LUZP2: variants seen among roughly 807,000 people sequenced by gnomAD.
LUZP2 encodes the protein leucine zipper protein 2.
Under a neutral mutation model 51.6 loss-of-function variants are expected in LUZP2, and 52 were observed. That is an observed-to-expected ratio of 1.01 (90% confidence interval 0.81 to 1.27). The LOEUF (loss-of-function observed/expected upper bound fraction) is 1.27. LUZP2 is among the 50% of genes most tolerant of loss of function. The pLI is 0.00. For synonymous variants in LUZP2, 154 were observed against 137.3 expected (o/e 1.12, Z -0.85); for missense variants, 436 against 395.4 (o/e 1.10, Z -0.87).
intron 1 of LUZP2, among the ~76,000 whole-genome samples, chr11:24,623,646 G>C (rs1211078083): frequency 1.3e-5 from 2 of 152,084 alleles, no homozygotes; most frequent in East Asian, 3.9e-4. Flanking sequence ...GGGAGTTGGA[G>C]ACCAGCCTGG....
intron 9 of LUZP2, among the ~76,000 whole-genome samples, chr11:25,038,424 C>T (rs1416415557): frequency 1.3e-5 from 2 of 152,274 alleles, no homozygotes; most frequent in East Asian, 3.9e-4. Context: ...ACATAACAAC[C>T]AGCAACAACA....
At chr11:24,763,898 A>G (rs918642609) in intron 5 of LUZP2, among the ~76,000 whole-genome samples, 1 of 152,130 alleles carries the variant, frequency 6.6e-6, no homozygotes, top group African/African-American at 2.4e-5. Flanking sequence ...ATTAAATGCA[A>G]TTAATTAAGA....
At chr11:24,908,801 G>C (rs1853539846) in intron 6 of LUZP2, among the ~76,000 whole-genome samples, 1 of 149,458 alleles carries the variant, frequency 6.7e-6, no homozygotes, top group South Asian at 2.1e-4. Flanking sequence ...TGTTGCCCAG[G>C]CTGGAGTGCA....
chr11:24,785,141 C>G (rs1849206600), intron 5 of LUZP2, among the ~76,000 whole-genome samples: 1 of 151,936 alleles, frequency 6.6e-6, no homozygotes, highest in Non-Finnish European at 1.5e-5. Flanking sequence ...CTTTTCAGAC[C>G]TCTCCTGCAT....
chr11:24,975,095 A>T (rs2133902438), intron 7 of LUZP2, among the ~76,000 whole-genome samples: 1 of 152,058 alleles, frequency 6.6e-6, no homozygotes, highest in South Asian at 2.1e-4. Context: ...AACCTCTCAC[A>T]TGCTCTATTC....
chr11:24,563,516 T>C (rs1022389300), intron 1 of LUZP2, among the ~76,000 whole-genome samples: 1 of 152,226 alleles, frequency 6.6e-6, no homozygotes, highest in Non-Finnish European at 1.5e-5. Context: ...AAAATTACTA[T>C]GTTATTGGAT....
chr11:24,983,953 A>T (rs932070255), intron 9 of LUZP2, among the ~76,000 whole-genome samples: 13 of 151,746 alleles, frequency 8.6e-5, no homozygotes, highest in African/African-American at 3.1e-4. Flanking sequence ...TACTTTAGAC[A>T]AAACAAAGAA....
chr11:24,520,627 T>G lies in LUZP2; in HGVS notation c.62+23322T>G, dbSNP rs542012497. Among the ~76,000 whole-genome samples, 19 of 152,326 alleles carry G rather than the reference T, an allele frequency of 1.2e-4. No homozygotes were observed. The East Asian group carries it at 1.7e-3, about 14-fold the overall frequency. On this transcript the variant is annotated intron_variant, in intron 1 of 11. Coordinates refer to ENST00000336930, the MANE Select transcript of LUZP2 (RefSeq NM_001009909.4). Reference sequence around the variant, plus strand: ...GTGTTAGTATGTTAATTATCCTTTTTGGGGGCAGGAGAAGTACAATGAAGC... The same window carrying G: ...GTGTTAGTATGTTAATTATCCTTTTGGGGGGCAGGAGAAGTACAATGAAGC...
chr11:24,937,142 G>C (rs1021237833), intron 7 of LUZP2, among the ~76,000 whole-genome samples: 1 of 152,038 alleles, frequency 6.6e-6, no homozygotes, highest in Non-Finnish European at 1.5e-5. Flanking sequence ...ACAAAGAAAA[G>C]CAATTCTAAG....
intron 5 of LUZP2, among the ~76,000 whole-genome samples, chr11:24,904,084 TC>T (rs1392359149): frequency 1.3e-5 from 2 of 152,150 alleles, no homozygotes. Flanking sequence ...TAATTTACAT[TC>T]CCAGCAACTG....
intron 5 of LUZP2, among the ~76,000 whole-genome samples, chr11:24,767,045 C>T (rs959410950): frequency 6.6e-6 from 1 of 152,172 alleles, no homozygotes; most frequent in African/African-American, 2.4e-5. Context: ...GCTGGAATTA[C>T]AGGTGTGAAC....
chr11:24,732,787 G>T (rs1326468707), intron 3 of LUZP2, among the ~76,000 whole-genome samples: 1 of 151,700 alleles, frequency 6.6e-6, no homozygotes, highest in Non-Finnish European at 1.5e-5. Context: ...CTTTACGTCT[G>T]CTATACACTT....
At chr11:24,509,582 C>A (rs543550640) in intron 1 of LUZP2, among the ~76,000 whole-genome samples, 96 of 149,048 alleles carry the variant, frequency 6.4e-4, no homozygotes, top group African/African-American at 2.3e-3. Flanking sequence ...AGACATCTTT[C>A]ACTTTTCTGA....
chr11:24,618,903 A>G (rs181254377), intron 1 of LUZP2, among the ~76,000 whole-genome samples: 1 of 152,314 alleles, frequency 6.6e-6, no homozygotes, highest in Admixed American at 6.5e-5. Flanking sequence ...TTATAAAATG[A>G]AAATTTCTCT....
intron 5 of LUZP2, among the ~76,000 whole-genome samples, chr11:24,835,437 A>G (rs1227268568): frequency 6.6e-6 from 1 of 152,198 alleles, no homozygotes; most frequent in Non-Finnish European, 1.5e-5. Flanking sequence ...AGAAATTTCA[A>G]CAGAAGCCAA....
chr11:24,936,763 G>T (rs1010245865), intron 7 of LUZP2, among the ~76,000 whole-genome samples: 7 of 152,112 alleles, frequency 4.6e-5, no homozygotes, highest in Middle Eastern at 6.8e-3. Context: ...AATCATTTCA[G>T]TACTCTGAAC....
At chr11:24,680,633 A>C (rs1428609763) in intron 1 of LUZP2, among the ~76,000 whole-genome samples, 1 of 152,210 alleles carries the variant, frequency 6.6e-6, no homozygotes, top group African/African-American at 2.4e-5. Flanking sequence ...GATAATTAGC[A>C]GGAAAAATTT....
intron 1 of LUZP2, among the ~76,000 whole-genome samples, chr11:24,666,553 G>A (rs892827548): frequency 2.0e-5 from 3 of 152,032 alleles, no homozygotes; most frequent in African/African-American, 7.3e-5. Context: ...CAAATGTGAA[G>A]TCAAGATGAA....
rs74793009 is a variant in LUZP2 at position 24,910,404 on chromosome 11, C to A, written c.460-4072C>A. On this transcript the variant is annotated intron_variant, in intron 6 of 11. Transcript: ENST00000336930. ...TCATGGCAGCCCTTCCCATCATATG[C>A]CCAGAGGTCTAGGAGGGAAAAATGG... is the stretch of plus-strand genomic sequence containing the variant. 6.7e-3 allele frequency among the ~76,000 whole-genome samples: 1,017 copies of A among 152,230 alleles called. 18 individuals are homozygous for A. Among genetic ancestry groups the A allele is most frequent in the East Asian group, 0.06 (310 of 5,164 alleles).
Sources: gnomAD v4.1 joint callset for allele counts (sites outside exome capture counted in the v4.1 genomes callset) on GRCh38, gnomAD v4.1.1 for gene constraint, MANE v1.5 for transcripts, NCBI Gene and HGNC (gene_info 2026-07-23, HGNC 2026-07-21) for gene names.